LRRC4C: variants seen among roughly 807,000 people sequenced by gnomAD.
The protein encoded by LRRC4C is leucine rich repeat containing 4C.
Under a neutral mutation model 33.6 loss-of-function variants are expected in LRRC4C, and 5 were observed. The observed-to-expected ratio is 0.15, with a 90% CI of 0.08 to 0.31. LRRC4C has a LOEUF of 0.31. LRRC4C is among the 10% of genes least tolerant of loss of function. LRRC4C has a pLI of 1.00. For synonymous variants in LRRC4C, 329 were observed against 302.0 expected (o/e 1.09, Z -0.93); for missense variants, 560 against 796.7 (o/e 0.70, Z 3.58).
At chr11:40,302,492 CA>C (rs1283766685) in intron 4 of LRRC4C, among the ~76,000 whole-genome samples, 1 of 152,046 alleles carries the variant, frequency 6.6e-6, no homozygotes, top group Admixed American at 6.6e-5. Flanking sequence ...TTACGATTAT[CA>C]GAACAAAGTT....
At chr11:40,217,727 A>G (rs928132019) in intron 5 of LRRC4C, among the ~76,000 whole-genome samples, 2 of 152,164 alleles carry the variant, frequency 1.3e-5, no homozygotes, top group Non-Finnish European at 2.9e-5. Context: ...TTTAAGCCTC[A>G]GCACATATTA....
At chr11:41,227,109 A>G (rs1256141500) in intron 1 of LRRC4C, among the ~76,000 whole-genome samples, 1 of 151,698 alleles carries the variant, frequency 6.6e-6, no homozygotes. Context: ...AACAAAAGAC[A>G]CCTCCTTCCC....
intron 5 of LRRC4C, among the ~76,000 whole-genome samples, chr11:40,191,256 C>A (rs1383369803): frequency 2.0e-5 from 3 of 152,090 alleles, no homozygotes; most frequent in Admixed American, 2.0e-4. Flanking sequence ...ATAAAAAAGA[C>A]CCAGGTTTGA....
intron 1 of LRRC4C, among the ~76,000 whole-genome samples, chr11:41,086,097 G>A (rs1939968588): frequency 6.6e-6 from 1 of 151,890 alleles, no homozygotes; most frequent in Admixed American, 6.6e-5. Context: ...CAAATGTCAG[G>A]TTCTCCATTA....
At chr11:41,100,614 C>A (rs1463730099) in intron 1 of LRRC4C, among the ~76,000 whole-genome samples, 1 of 151,924 alleles carries the variant, frequency 6.6e-6, no homozygotes, top group Non-Finnish European at 1.5e-5. Flanking sequence ...AATAGCCATA[C>A]AGCCCAAAGC....
chr11:41,434,075 C>A (rs1294519753), intron 1 of LRRC4C, among the ~76,000 whole-genome samples: 1 of 152,040 alleles, frequency 6.6e-6, no homozygotes, highest in Non-Finnish European at 1.5e-5. Context: ...CCATCAGAAT[C>A]AGTTAGACCT....
intron 3 of LRRC4C, among the ~76,000 whole-genome samples, chr11:40,385,485 AC>A (rs1949069889): frequency 6.6e-6 from 1 of 152,198 alleles, no homozygotes; most frequent in African/African-American, 2.4e-5. Flanking sequence ...TGGGAGATAA[AC>A]ATTGCGTACA....
At chr11:41,437,453 C>T (rs1955470729) in intron 1 of LRRC4C, among the ~76,000 whole-genome samples, 1 of 141,652 alleles carries the variant, frequency 7.1e-6, no homozygotes, top group African/African-American at 2.9e-5. Context: ...ACACCAGTTG[C>T]AGGAACATTC....
At chr11:40,630,340 T>TCTTCTTCTTCTTCTTCTTCTTCTTCTC (rs1963358305) in intron 3 of LRRC4C, among the ~76,000 whole-genome samples, 1 of 23,226 alleles carries the variant, frequency 4.3e-5, no homozygotes, top group African/African-American at 9.9e-5. Context: ...CTCTTCTTCT[T>TCTTCTTCTTCTTCTTCTTCTTCTTCTC]CTTCTTCTTC....
intron 2 of LRRC4C, among the ~76,000 whole-genome samples, chr11:40,649,708 T>C (rs998802833): frequency 6.6e-6 from 1 of 152,178 alleles, no homozygotes; most frequent in African/African-American, 2.4e-5. Flanking sequence ...TAAATGTCAA[T>C]ATTAAAATGA....
At chr11:40,745,622 T>C (rs540576731) in intron 2 of LRRC4C, among the ~76,000 whole-genome samples, 9 of 152,212 alleles carry the variant, frequency 5.9e-5, no homozygotes, top group Admixed American at 1.3e-4. Context: ...TTTCTGAATA[T>C]ATTTTTTGCT....
intron 2 of LRRC4C, among the ~76,000 whole-genome samples, chr11:40,819,595 C>CAT (rs1215673340): frequency 1.3e-5 from 2 of 152,188 alleles, no homozygotes; most frequent in Admixed American, 1.3e-4. Flanking sequence ...TGAGGCTATA[C>CAT]ATATATGTAG....
chr11:40,367,985 C>T (rs1329707813), intron 3 of LRRC4C, among the ~76,000 whole-genome samples: 5 of 152,088 alleles, frequency 3.3e-5, no homozygotes, highest in Non-Finnish European at 7.4e-5. Context: ...TTGAACTACA[C>T]CCCCTGTCAC....
rs771647911 is a variant in LRRC4C at position 40,877,596 on chromosome 11, T to C, written c.-407+56039A>G. ...TTTGGAACAGCAGCCTCTCCTAAAA[T>C]TCATGGCAAATATCTTTAGTAGCTG... On this transcript the variant is annotated intron_variant, in intron 2 of 6. Transcript: ENST00000528697. Among the ~76,000 whole-genome samples the C allele has an allele frequency of 2.6e-5, 4 of 152,126 alleles. No individual in the cohort carries two copies. In the South Asian group the frequency reaches 6.2e-4, roughly 24 times the overall value.
At chr11:40,963,104 AGTCTTTGGACTTAAAG>A (rs1383875875) in intron 1 of LRRC4C, among the ~76,000 whole-genome samples, 2 of 151,718 alleles carry the variant, frequency 1.3e-5, no homozygotes, top group Non-Finnish European at 3.0e-5. Flanking sequence ...ATCAGATTGC[AGTCTTTGGACTTAAAG>A]GAAGGTTAAC....
intron 2 of LRRC4C, among the ~76,000 whole-genome samples, chr11:40,740,910 T>G (rs2136903221): frequency 6.6e-6 from 1 of 152,202 alleles, no homozygotes; most frequent in Admixed American, 6.6e-5. Flanking sequence ...ATTGGTACCT[T>G]TGTCAAAGAC....
At chr11:41,296,071 A>C (rs1391713108) in intron 1 of LRRC4C, among the ~76,000 whole-genome samples, 1 of 152,226 alleles carries the variant, frequency 6.6e-6, no homozygotes, top group Non-Finnish European at 1.5e-5. Context: ...AAAGTAAGCT[A>C]ACAGAAAGGG....
chr11:40,415,965 C>CT (rs1243627516), intron 3 of LRRC4C, among the ~76,000 whole-genome samples: 3 of 152,082 alleles, frequency 2.0e-5, no homozygotes, highest in Non-Finnish European at 4.4e-5. Context: ...GTGTTAAATG[C>CT]TTTTATATTT....
intron 3 of LRRC4C, among the ~76,000 whole-genome samples, chr11:40,340,227 C>T (rs2137003351): frequency 6.6e-6 from 1 of 152,168 alleles, no homozygotes; most frequent in East Asian, 1.9e-4. Flanking sequence ...AACAAAACCC[C>T]ATAATGCATA....
Sources: allele counts gnomAD v4.1 joint callset (sites outside exome capture counted in the v4.1 genomes callset), GRCh38; gene constraint gnomAD v4.1.1; transcripts MANE v1.5; gene names NCBI Gene and HGNC (gene_info 2026-07-23, HGNC 2026-07-21).